Variants in SCNN1G observed in about 807,000 individuals in gnomAD.
SCNN1G encodes the protein epithelial sodium channel subunit gamma.
Under a neutral mutation model 64.6 loss-of-function variants are expected in SCNN1G, and 27 were observed. That is an observed-to-expected ratio of 0.42 (90% CI 0.31 to 0.58). The LOEUF is 0.58. SCNN1G is among the 20% of genes least tolerant of loss of function. SCNN1G has a pLI of 0.18. For synonymous variants in SCNN1G, 330 were observed against 314.2 expected, an observed-to-expected ratio of 1.05 and a Z score of -0.53; for missense variants, 743 against 823.4, an observed-to-expected ratio of 0.90 and a Z score of 1.19.
Position 23,186,568 on chromosome 16 carries a change from C to A in SCNN1G, c.297C>A (p.Ile99=). ...AGCTGGATTTTCCTGCAGTCACCAT[C>A]TGCAACATCAACCCCTACAAGTAAG... ...FRKLDFPAVT[I]CNINPYKYST... Residue 99 remains isoleucine, a synonymous_variant, in exon 2 of 13, where the codon ATC becomes ATA. Transcript: ENST00000300061. The A allele has an allele frequency of 6.2e-7, 1 of 1,613,136 alleles. No homozygotes were observed. Among genetic ancestry groups the A allele is most frequent in the Non-Finnish European group, 8.5e-7 (1 of 1,180,012 alleles).
chr16:23,186,251 C>T lies in SCNN1G; in HGVS notation c.-21C>T, dbSNP rs766222054. 3 of 1,613,902 alleles carry T rather than the reference C, an allele frequency of 1.9e-6. No individual in the cohort carries two copies. In the Admixed American group the frequency reaches 5.0e-5, roughly 27 times the overall value. The stretch of plus-strand genomic sequence containing the variant: ...AGCACGCCCGTCCTCAGAGTCCCGT[C>T]CTCAAAGTCCCATCCTCGCCATGGC... On this transcript the variant is annotated 5_prime_UTR_variant, in exon 2 of 13. Coordinates refer to ENST00000300061, the MANE Select transcript of SCNN1G (RefSeq NM_001039.4).
In SCNN1G at chr16:23,212,142, C is replaced by T; in HGVS notation, c.1285C>T (p.Pro429Ser). The part of the protein sequence containing the change: ...AANYCNYQQH[P>S]NWMYCYYQLH... ...CAACTACTGCAACTACCAGCAGCAC[C>T]CCAACTGGAGTGAGTGAGACCCAGC... Residue 429 changes from proline (P) to serine (S), a missense_variant, in exon 8 of 13, where the codon CCC becomes TCC. Coordinates refer to ENST00000300061, the MANE Select transcript of SCNN1G (RefSeq NM_001039.4). 6.2e-7 allele frequency: 1 copy of T among 1,610,270 alleles called. No individual in the cohort carries two copies. Among genetic ancestry groups the T allele is most frequent in the Non-Finnish European group, 8.5e-7 (1 of 1,176,654 alleles).
chr16:23,207,450 G>A (rs1232197006), intron 6 of SCNN1G, among the ~76,000 whole-genome samples: 1 of 152,208 alleles, frequency 6.6e-6, no homozygotes, highest in African/African-American at 2.4e-5. Flanking sequence ...CCACTGCTTG[G>A]CATCTTTGCA....
chr16:23,193,443 C>T lies in SCNN1G; in HGVS notation c.810-728C>T, dbSNP rs138577607. On this transcript the variant is annotated intron_variant, in intron 4 of 12. Coordinates refer to ENST00000300061, the MANE Select transcript of SCNN1G (RefSeq NM_001039.4). ...AGATGATTGCTTGAGCTCAGGAGTT[C>T]GAGACCAGCCTGGGCAATGTGGCAA... 5.5e-3 allele frequency among the ~76,000 whole-genome samples: 836 copies of T among 152,080 alleles called. 4 individuals are homozygous for T. Among genetic ancestry groups the T allele is most frequent in the Middle Eastern group, 0.031 (9 of 292 alleles).
At chr16:23,201,496 C>A (rs1959888402) in intron 6 of SCNN1G, among the ~76,000 whole-genome samples, 1 of 150,724 alleles carries the variant, frequency 6.6e-6, no homozygotes, top group Non-Finnish European at 1.5e-5. Flanking sequence ...TCAGTCAGCT[C>A]TAGGTCTGAT....
chr16:23,214,860 C>G, intron 12 of SCNN1G, 73 bp downstream of exon 12: 3 of 1,354,216 alleles, frequency 2.2e-6, no homozygotes, highest in Admixed American at 1.7e-5. Context: ...CCTTGGGGAG[C>G]AGAATCAGGG....
intron 1 of SCNN1G, 43 bp from the exon 2 acceptor site, chr16:23,186,185 T>C (rs1378073192): frequency 3.1e-6 from 4 of 1,293,860 alleles, no homozygotes; most frequent in Middle Eastern, 1.8e-4. Flanking sequence ...ACTAGCCGGC[T>C]AGTGCCTGCC....
rs762488298 is a variant in SCNN1G, at chr16:23,215,097, G to A, written c.1578G>A (p.Met526Ile). 6.2e-7 allele frequency: 1 copy of A among 1,614,086 alleles called. No individual in the cohort carries two copies. The highest frequency in any genetic ancestry group is 8.5e-7 in the Non-Finnish European group (1 of 1,180,020). The part of the protein sequence containing the change: ...IMESPANSIE[M>I]LLSNFGGQLG... Reference sequence around the variant, plus strand: ...CTTGGCCTGTCTTGCAGATTGAGATGCTTCTGTCCAACTTCGGTGGCCAGC... The same window carrying A: ...CTTGGCCTGTCTTGCAGATTGAGATACTTCTGTCCAACTTCGGTGGCCAGC... Residue 526 changes from methionine (M) to isoleucine (I), a missense_variant, in exon 13 of 13, where the codon ATG becomes ATA. Coordinates refer to ENST00000300061, the MANE Select transcript of SCNN1G (RefSeq NM_001039.4).
intron 2 of SCNN1G, among the ~76,000 whole-genome samples, chr16:23,187,197 C>T (rs1031275440): frequency 1.3e-5 from 2 of 151,862 alleles, no homozygotes; most frequent in South Asian, 4.2e-4. Context: ...CAGCCCCGAC[C>T]TCCTGGGCTC....
At chr16:23,197,913 T>G (rs973265481) in intron 6 of SCNN1G, among the ~76,000 whole-genome samples, 4 of 151,544 alleles carry the variant, frequency 2.6e-5, no homozygotes, top group Non-Finnish European at 5.9e-5. Context: ...TATGGATTAA[T>G]AGGACAGGGT....
chr16:23,205,005 G>A (rs911893424), intron 6 of SCNN1G, among the ~76,000 whole-genome samples: 2 of 152,110 alleles, frequency 1.3e-5, no homozygotes, highest in African/African-American at 4.8e-5. Context: ...TAGAGACGGG[G>A]TTTCGCCATG....
At chr16:23,191,124 C>T (rs191330280) in intron 3 of SCNN1G, among the ~76,000 whole-genome samples, 3 of 152,180 alleles carry the variant, frequency 2.0e-5, no homozygotes, top group African/African-American at 4.8e-5. Context: ...AGATTACAGG[C>T]GTGAGCCACC....
chr16:23,211,585 G>A (rs927585951), intron 7 of SCNN1G, among the ~76,000 whole-genome samples: 21 of 152,278 alleles, frequency 1.4e-4, no homozygotes, highest in Admixed American at 1.2e-3. Flanking sequence ...CAAGGTGGGA[G>A]GATCACTTGA....
At chr16:23,203,769 CA>C (rs71151702) in intron 6 of SCNN1G, among the ~76,000 whole-genome samples, 30 of 42,278 alleles carry the variant, frequency 7.1e-4, no homozygotes, top group African/African-American at 2.1e-3. Flanking sequence ...GACTCCGTCT[CA>C]AAAAAAAAAA....
chr16:23,203,535 C>A (rs1959926493), intron 6 of SCNN1G, among the ~76,000 whole-genome samples: 1 of 151,818 alleles, frequency 6.6e-6, no homozygotes, highest in African/African-American at 2.4e-5. Context: ...CTTTGGGAGG[C>A]TGAGGTGGGC....
At chr16:23,214,244 G>T (rs1182392106) in intron 11 of SCNN1G, among the ~76,000 whole-genome samples, 1 of 152,172 alleles carries the variant, frequency 6.6e-6, no homozygotes, top group Non-Finnish European at 1.5e-5. Flanking sequence ...TGCCTCATAG[G>T]GCTGTTGGTA....
At chr16:23,196,241 A>G (rs1959793448) in intron 5 of SCNN1G, among the ~76,000 whole-genome samples, 1 of 152,206 alleles carries the variant, frequency 6.6e-6, no homozygotes, top group South Asian at 2.1e-4. Flanking sequence ...AGGTCTACAC[A>G]AGAACATTCC....
At chr16:23,187,186 G>A (rs932583185) in intron 2 of SCNN1G, among the ~76,000 whole-genome samples, 3 of 146,344 alleles carry the variant, frequency 2.0e-5, no homozygotes, top group Admixed American at 1.4e-4. Context: ...ATAGCTCCCT[G>A]CAGCCCCGAC....
At chr16:23,208,293 C>T (rs1194767696) in intron 6 of SCNN1G, among the ~76,000 whole-genome samples, 1 of 151,960 alleles carries the variant, frequency 6.6e-6, no homozygotes, top group African/African-American at 2.4e-5. Context: ...GCTGTAGTGA[C>T]CCTTGATTGT....
Sources: gnomAD v4.1 joint callset for allele counts (sites outside exome capture counted in the v4.1 genomes callset) on GRCh38, gnomAD v4.1.1 for gene constraint, MANE v1.5 for transcripts, NCBI Gene and HGNC (gene_info 2026-07-23, HGNC 2026-07-21) for gene names.